Variants in PARD3B observed in about 807,000 individuals in gnomAD.
PARD3B encodes the protein partitioning defective 3 homolog B.
A neutral mutation model predicts 130.2 loss-of-function variants in PARD3B; 103 were observed. The ratio of observed to expected loss-of-function variants is 0.79; its 90% CI spans 0.67 to 0.93. The LOEUF is 0.93. PARD3B is among the 40% of genes least tolerant of loss of function. The pLI is 0.00. For synonymous variants in PARD3B, 583 were observed against 553.2 expected (o/e 1.05, Z -0.76); for missense variants, 1,609 against 1,499.2 (o/e 1.07, Z -1.21).
chr2:205,225,307 G>T (rs2038483421), intron 15 of PARD3B, among the ~76,000 whole-genome samples: 1 of 152,016 alleles, frequency 6.6e-6, no homozygotes, highest in African/African-American at 2.4e-5. Context: ...ATTTTAACTG[G>T]GGTGAGATGA....
chr2:205,546,597 G>A (rs1218815036), intron 21 of PARD3B, among the ~76,000 whole-genome samples: 1 of 152,102 alleles, frequency 6.6e-6, no homozygotes, highest in African/African-American at 2.4e-5. Context: ...AAATGCCTGT[G>A]TCTCTTTTCT....
intron 3 of PARD3B, among the ~76,000 whole-genome samples, chr2:204,981,797 A>G (rs1692687024): frequency 1.3e-5 from 2 of 152,198 alleles, no homozygotes; most frequent in African/African-American, 4.8e-5. Flanking sequence ...GATGACAAGA[A>G]CGAGGAGTCT....
chr2:205,439,087 G>T (rs1366816720), intron 19 of PARD3B, among the ~76,000 whole-genome samples: 1 of 152,164 alleles, frequency 6.6e-6, no homozygotes, highest in Non-Finnish European at 1.5e-5. Flanking sequence ...GCGTTCTAAA[G>T]ATTTTTACAA....
chr2:204,988,316 G>A (rs1283566151), intron 3 of PARD3B, among the ~76,000 whole-genome samples: 1 of 152,186 alleles, frequency 6.6e-6, no homozygotes, highest in Non-Finnish European at 1.5e-5. Flanking sequence ...GACATAGAGA[G>A]TAGAAGAATG....
At chr2:204,901,569 T>A (rs2046859079) in intron 2 of PARD3B, among the ~76,000 whole-genome samples, 1 of 151,848 alleles carries the variant, frequency 6.6e-6, no homozygotes, top group African/African-American at 2.4e-5. Flanking sequence ...CCCTAGAATC[T>A]ACTTGGTGCT....
At chr2:204,948,091 A>C (rs539619346) in intron 2 of PARD3B, among the ~76,000 whole-genome samples, 1 of 152,162 alleles carries the variant, frequency 6.6e-6, no homozygotes. Context: ...CTTCCAATAC[A>C]TATGTGTTGG....
chr2:205,249,679 C>T (rs2039753995), intron 16 of PARD3B, among the ~76,000 whole-genome samples: 1 of 152,132 alleles, frequency 6.6e-6, no homozygotes, highest in Admixed American at 6.5e-5. Flanking sequence ...CATTGTATCT[C>T]ATTACCTTGG....
chr2:205,282,901 A>G (rs1051465445), intron 16 of PARD3B, among the ~76,000 whole-genome samples: 4 of 152,328 alleles, frequency 2.6e-5, no homozygotes, highest in Non-Finnish European at 4.4e-5. Context: ...CTGTTTATGC[A>G]AATGAGAGAT....
chr2:204,640,505 T>G (rs2035038831), intron 1 of PARD3B, among the ~76,000 whole-genome samples: 1 of 152,222 alleles, frequency 6.6e-6, no homozygotes, highest in Non-Finnish European at 1.5e-5. Context: ...TCAGGAACCC[T>G]CTTCAGCATT....
chr2:205,390,723 A>G (rs1490648474), intron 18 of PARD3B, among the ~76,000 whole-genome samples: 4 of 151,290 alleles, frequency 2.6e-5, no homozygotes, highest in African/African-American at 4.9e-5. Flanking sequence ...CAAGGTAATT[A>G]TAAAAAAAAA....
chr2:204,740,228 G>A (rs1049011617), intron 2 of PARD3B, among the ~76,000 whole-genome samples: 1 of 151,466 alleles, frequency 6.6e-6, no homozygotes, highest in Non-Finnish European at 1.5e-5. Context: ...TGCCATGTTG[G>A]CCAGGCTGAT....
chr2:205,513,626 G>A (rs988213408), intron 21 of PARD3B, among the ~76,000 whole-genome samples: 1 of 152,046 alleles, frequency 6.6e-6, no homozygotes, highest in African/African-American at 2.4e-5. Context: ...TTTGGCCCCA[G>A]GATTGGAGAA....
chr2:205,002,050 A>G (rs566293283), intron 3 of PARD3B, among the ~76,000 whole-genome samples: 1 of 152,322 alleles, frequency 6.6e-6, no homozygotes, highest in East Asian at 1.9e-4. Context: ...TCCCTAATAT[A>G]AGTAGCTACG....
At position 205,309,126 on chromosome 2, in the gene PARD3B, G is replaced by T. The variant is rs774647303; in HGVS notation, c.2630+7425G>T. ...GTTATTTTTAAACCAACTCCACATA[G>T]AGCTATAACAAAAAACTAACCCAAA... On this transcript the variant is annotated intron_variant, in intron 18 of 22. Coordinates refer to ENST00000406610, the MANE Select transcript of PARD3B (RefSeq NM_001302769.2). This position sits in a 1 kb window ranked among gnomAD's most constrained non-coding sequence, Gnocchi z 4.7. 6.6e-6 allele frequency among the ~76,000 whole-genome samples: 1 copy of T among 152,112 alleles called. No homozygotes were observed. Among genetic ancestry groups the T allele is most frequent in the Non-Finnish European group, 1.5e-5 (1 of 68,014 alleles).
intron 18 of PARD3B, among the ~76,000 whole-genome samples, chr2:205,338,870 A>T (rs1261410855): frequency 6.6e-6 from 1 of 152,188 alleles, no homozygotes; most frequent in Non-Finnish European, 1.5e-5. Context: ...TAGGTATTAC[A>T]TGAGGAAGCA....
intron 3 of PARD3B, among the ~76,000 whole-genome samples, chr2:205,045,307 G>A (rs867948607): frequency 2.6e-5 from 4 of 151,168 alleles, no homozygotes; most frequent in African/African-American, 9.7e-5. Flanking sequence ...GGAGTGCAGT[G>A]GCGCTATCTG....
intron 1 of PARD3B, among the ~76,000 whole-genome samples, chr2:204,626,770 C>T (rs1285302107): frequency 1.3e-5 from 2 of 151,896 alleles, no homozygotes; most frequent in Non-Finnish European, 2.9e-5. Flanking sequence ...TTCCCCCACT[C>T]CCAGTTTTGA....
intron 10 of PARD3B, among the ~76,000 whole-genome samples, chr2:205,133,478 G>GT (rs762103799): frequency 1.4e-4 from 21 of 152,116 alleles, no homozygotes; most frequent in Non-Finnish European, 2.6e-4. Flanking sequence ...AATCTGTATT[G>GT]TAACAAGCCT....
intron 19 of PARD3B, among the ~76,000 whole-genome samples, chr2:205,408,717 G>A (rs1389300613): frequency 6.6e-6 from 1 of 151,876 alleles, no homozygotes; most frequent in Non-Finnish European, 1.5e-5. Context: ...AATAACTTTG[G>A]CACTATTTAA....
Sources: allele counts gnomAD v4.1 joint callset (sites outside exome capture counted in the v4.1 genomes callset), GRCh38; gene constraint gnomAD v4.1.1; non-coding constraint Gnocchi (gnomAD v3.1); transcripts MANE v1.5; gene names NCBI Gene and HGNC (gene_info 2026-07-23, HGNC 2026-07-21).